PHACTR2: variants seen among roughly 807,000 people sequenced by gnomAD.
The protein encoded by PHACTR2 is phosphatase and actin regulator 2, also known as chromosome 6 open reading frame 56.
PHACTR2 carries 30 observed loss-of-function variants against 76.0 expected under a neutral mutation model. That is an observed-to-expected ratio of 0.39 (90% CI 0.30 to 0.54). The LOEUF (loss-of-function observed/expected upper bound fraction) is 0.54. PHACTR2 is among the 20% of genes least tolerant of loss of function. The probability of loss-of-function intolerance (pLI) is 0.61; values close to 1 mark genes in which losing one functional copy is unlikely to be tolerated. For missense variants in PHACTR2, 696 were observed against 781.1 expected (o/e 0.89, Z 1.30); for synonymous variants, 292 against 292.5 (o/e 1.00, Z 0.02).
At chr6:143,551,410 A>C (rs1450171575) in intron 1 of PHACTR2, among the ~76,000 whole-genome samples, 3 of 152,266 alleles carry the variant, frequency 2.0e-5, no homozygotes, top group African/African-American at 7.2e-5. Flanking sequence ...TGTGGAAAGT[A>C]AAACCTCAGA....
Position 143,556,964 on chromosome 6 carries a change from A to G in PHACTR2, c.217+19757A>G, listed in dbSNP as rs1257080609. On this transcript the variant is annotated intron_variant, in intron 1 of 11. Coordinates refer to the PHACTR2 transcript ENST00000367584. The surrounding 1 kb of genome is among the most constrained non-coding windows in gnomAD (Gnocchi z 4.3). ...CTCAGAGAGACCACATTTCCTTTTG[A>G]AACAAAAATGAGGCCAGAAAGAAAG... 6.6e-6 allele frequency among the ~76,000 whole-genome samples: 1 copy of G among 152,168 alleles called. No individual in the cohort carries two copies. The highest frequency in any genetic ancestry group is 1.9e-4 in the East Asian group (1 of 5,198).
chr6:143,706,257 G>A (rs919472359), intron 1 of PHACTR2, among the ~76,000 whole-genome samples: 3 of 152,192 alleles, frequency 2.0e-5, no homozygotes, highest in Non-Finnish European at 4.4e-5. Flanking sequence ...AGGAGGTGGT[G>A]CTTGCCTATT....
intron 2 of PHACTR2, among the ~76,000 whole-genome samples, chr6:143,744,893 C>T (rs1779022865): frequency 6.6e-6 from 1 of 152,190 alleles, no homozygotes; most frequent in Non-Finnish European, 1.5e-5. Context: ...ACTGTCAAAA[C>T]ATCAATTAGC....
chr6:143,544,826 C>G (rs546087051), intron 1 of PHACTR2, among the ~76,000 whole-genome samples: 1 of 152,100 alleles, frequency 6.6e-6, no homozygotes, highest in Non-Finnish European at 1.5e-5. Flanking sequence ...AAAAATAGTT[C>G]TTTTGACATT....
In PHACTR2 at chr6:143,592,760, A is replaced by G; in HGVS notation, c.217+55553A>G. 6.6e-6 allele frequency among the ~76,000 whole-genome samples: 1 copy of G among 151,808 alleles called. No homozygotes were observed. The highest frequency in any genetic ancestry group is 2.1e-4 in the South Asian group (1 of 4,806). ...AAATTAGCTATTGTTAAGAATCCCA[A>G]CCTTGGGCTGGGCACGGTGGCTCAA... On this transcript the variant is annotated intron_variant, in intron 1 of 11. Coordinates refer to the PHACTR2 transcript ENST00000367584. The surrounding 1 kb of genome is among the most constrained non-coding windows in gnomAD (Gnocchi z 4.0).
intron 1 of PHACTR2, among the ~76,000 whole-genome samples, chr6:143,552,687 T>C (rs1216336050): frequency 6.6e-6 from 1 of 151,920 alleles, no homozygotes; most frequent in Non-Finnish European, 1.5e-5. Context: ...GTGGATCACT[T>C]GAGGTCAGGA....
rs146011588 is a variant in PHACTR2, at chr6:143,819,301, G to A, written c.1923-4373G>A. Among the ~76,000 whole-genome samples the A allele has an allele frequency of 2.4e-4, 36 of 152,280 alleles. No individual in the cohort carries two copies. Among genetic ancestry groups the A allele is most frequent in the African/African-American group, 8.2e-4 (34 of 41,556 alleles). ...TACCAAGTCAACAATAAATACACAT[G>A]AGCATTTCAGATAGTGCTAAGGACT... On this transcript the variant is annotated intron_variant, in intron 12 of 12. Coordinates refer to ENST00000440869, the MANE Select transcript of PHACTR2 (RefSeq NM_001100164.2). This position sits in a 1 kb window ranked among gnomAD's most constrained non-coding sequence, Gnocchi z 5.0.
chr6:143,642,480 G>A (rs1360348407), intron 1 of PHACTR2, among the ~76,000 whole-genome samples: 2 of 152,178 alleles, frequency 1.3e-5, no homozygotes, highest in Non-Finnish European at 2.9e-5. Context: ...GTAGTGGTTT[G>A]GGCATGGCTT....
rs769843846 is a variant in PHACTR2 at position 143,751,073 on chromosome 6, T to A, written c.295+2008T>A. On this transcript the variant is annotated intron_variant, in intron 3 of 12. Transcript: ENST00000440869. The surrounding 1 kb of genome is among the most constrained non-coding windows in gnomAD (Gnocchi z 5.7). Reference sequence around the variant, plus strand: ...AATTTCAGTCTGAGAGACTAGAAGCTGCTGTTCTTGGTAACAACCTCCTTT... The same window carrying A: ...AATTTCAGTCTGAGAGACTAGAAGCAGCTGTTCTTGGTAACAACCTCCTTT... 4.6e-5 allele frequency among the ~76,000 whole-genome samples: 7 copies of A among 152,224 alleles called. No homozygotes were observed. The highest frequency in any genetic ancestry group is 8.8e-5 in the Non-Finnish European group (6 of 68,038).
intron 1 of PHACTR2, among the ~76,000 whole-genome samples, chr6:143,657,923 C>T (rs1776877147): frequency 1.3e-5 from 2 of 152,174 alleles, no homozygotes; most frequent in South Asian, 4.1e-4. Flanking sequence ...GCACTCCTAG[C>T]AGCCAGGGGA....
Position 143,648,948 on chromosome 6 carries a change from G to T in PHACTR2, c.13+40626G>T, listed in dbSNP as rs985412884. ...TGTATGTCTATGTCTATGTATGTTTGTGTGTGTCTGTGTGTCTATGTGTAT... is the reference window on the plus strand; with the variant it reads ...TGTATGTCTATGTCTATGTATGTTTTTGTGTGTCTGTGTGTCTATGTGTAT... On this transcript the variant is annotated intron_variant, in intron 1 of 11. Coordinates refer to the PHACTR2 transcript ENST00000305766. The surrounding 1 kb of genome is among the most constrained non-coding windows in gnomAD (Gnocchi z 6.7). 3.3e-5 allele frequency among the ~76,000 whole-genome samples: 5 copies of T among 151,292 alleles called. No homozygotes were observed. The highest frequency in any genetic ancestry group is 5.9e-5 in the Non-Finnish European group (4 of 67,828).
rs1391999727 is a variant in PHACTR2 at position 143,754,785 on chromosome 6, A to G, written c.454+873A>G. Among the ~76,000 whole-genome samples, 1 of 152,182 alleles carries G rather than the reference A, an allele frequency of 6.6e-6. No homozygotes were observed. The highest frequency in any genetic ancestry group is 1.5e-5 in the Non-Finnish European group (1 of 68,036). On this transcript the variant is annotated intron_variant, in intron 4 of 12. Coordinates refer to ENST00000440869, the MANE Select transcript of PHACTR2 (RefSeq NM_001100164.2). This position sits in a 1 kb window ranked among gnomAD's most constrained non-coding sequence, Gnocchi z 6.2. ...ATAGAAAGGAATCTTTAGGAAATAT[A>G]CTATTTCCTATTTTATAATGTCTGT...
upstream of PHACTR2, among the ~76,000 whole-genome samples, chr6:143,676,473 C>T (rs1490249333): frequency 1.3e-5 from 2 of 152,182 alleles, no homozygotes; most frequent in Admixed American, 1.3e-4. The surrounding 1 kb of genome is among the most constrained non-coding windows in gnomAD (Gnocchi z 4.8). Flanking sequence ...TCAGTGACCT[C>T]CCTTTATCAG....
Position 143,780,885 on chromosome 6 carries a change from CA to C in PHACTR2, c.1646-2328del, listed in dbSNP as rs914632546. Among the ~76,000 whole-genome samples, 1 of 151,966 alleles carries C rather than the reference CA, an allele frequency of 6.6e-6. No homozygotes were observed. ...CTTTATAATTAGTCCTCTAGTGAATCAAAAAATGAAGGAAGCATACAAAAAA... is the reference window on the plus strand; with the variant it reads ...CTTTATAATTAGTCCTCTAGTGAATCAAAAATGAAGGAAGCATACAAAAAA... On this transcript the variant is annotated intron_variant, in intron 9 of 12. Transcript: ENST00000440869. This position sits in a 1 kb window ranked among gnomAD's most constrained non-coding sequence, Gnocchi z 4.4.
At chr6:143,729,172 C>G (rs1778645252) in intron 2 of PHACTR2, among the ~76,000 whole-genome samples, 1 of 151,972 alleles carries the variant, frequency 6.6e-6, no homozygotes, top group African/African-American at 2.4e-5. Context: ...GGTCTTTTGC[C>G]TGTTTTTTAA....
In PHACTR2 at chr6:143,772,307, C is replaced by T. The variant is rs1349537085; in HGVS notation, c.1282C>T (p.Pro428Ser). The T allele has an allele frequency of 6.2e-7, 1 of 1,614,056 alleles. No homozygotes were observed. Among genetic ancestry groups the T allele is most frequent in the African/African-American group, 1.3e-5 (1 of 75,018 alleles). ...LGKTVPQLLT[P>S]GLMGESSESF... ...GAAGACAGTGCCTCAGCTACTGACT[C>T]CTGGGCTGATGGGCGAATCTTCAGA... Residue 428 changes from proline (P) to serine (S), a missense_variant, in exon 7 of 13, where the codon CCT becomes TCT. By Grantham distance (74) the Pro-to-Ser change is moderately conservative. Around this residue, in one of 2 missense-constraint regions of PHACTR2, gnomAD observed 236 missense variants for 330.2 expected, o/e 0.71. Coordinates refer to ENST00000440869, the MANE Select transcript of PHACTR2 (RefSeq NM_001100164.2). The surrounding 1 kb of genome is among the most constrained non-coding windows in gnomAD (Gnocchi z 5.4).
intron 1 of PHACTR2, among the ~76,000 whole-genome samples, chr6:143,657,658 T>C (rs530596811): frequency 2.0e-5 from 3 of 152,284 alleles, no homozygotes; most frequent in Non-Finnish European, 4.4e-5. Flanking sequence ...AGAAGTCAGA[T>C]TGAGCAGATT....
At chr6:143,575,045 C>T (rs1170669627) in intron 1 of PHACTR2, among the ~76,000 whole-genome samples, 1 of 152,040 alleles carries the variant, frequency 6.6e-6, no homozygotes, top group African/African-American at 2.4e-5. Flanking sequence ...ACAAATAATC[C>T]ATTTGGAACA....
chr6:143,603,145 CA>C (rs751947717), intron 1 of PHACTR2, among the ~76,000 whole-genome samples: 5,560 of 78,754 alleles, frequency 0.071, 213 homozygotes, highest in African/African-American at 0.23. Context: ...GACTCTGTCT[CA>C]AAAAAAAAAA....
Sources: gnomAD v4.1 joint callset for allele counts (sites outside exome capture counted in the v4.1 genomes callset) on GRCh38, gnomAD v4.1.1 for gene constraint, gnomAD v4.1.1 regional missense constraint, Gnocchi (gnomAD v3.1) non-coding constraint, MANE v1.5 for transcripts, NCBI Gene and HGNC (gene_info 2026-07-23, HGNC 2026-07-21) for gene names.